The following EYS variants were observed in gnomAD, a reference collection of about 807,000 sequenced individuals.
EYS encodes protein eyes shut homolog.
A neutral mutation model predicts 282.1 loss-of-function variants in EYS; 250 were observed. The ratio of observed to expected loss-of-function variants is 0.89; its 90% CI spans 0.80 to 0.98. The LOEUF (loss-of-function observed/expected upper bound fraction) is 0.98, where lower values mean the gene tolerates loss of function less well. Ranked by LOEUF, EYS falls within the 50% of genes least tolerant of loss-of-function variation. The pLI, the probability that EYS is intolerant of heterozygous loss-of-function variation, is 0.00. For synonymous variants in EYS, 1,355 were observed against 1,282.9 expected (o/e 1.06, Z -1.20); for missense variants, 4,016 against 3,709.0 (o/e 1.08, Z -2.15).
In EYS at chr6:63,908,011, CGT is replaced by C. The variant is rs1491539009; in HGVS notation, c.7056-43655_7056-43654del. ...GTACACACACACACACACACACAAA[CGT>C]ATATATATATATATATATACGTTTG... On this transcript the variant is annotated intron_variant, in intron 35 of 42. Transcript: ENST00000503581. 9.2e-4 allele frequency among the ~76,000 whole-genome samples: 20 copies of C among 21,796 alleles called. 1 individual carries two copies. Among genetic ancestry groups the C allele is most frequent in the Middle Eastern group, 0.019 (1 of 54 alleles). The allele number at this position is 21,796 out of a possible 152,430, so 14.3% of individuals were successfully genotyped here. A position where few individuals can be genotyped will look rare whatever the true frequency, so the allele number is the denominator to read the frequency against.
At chr6:63,779,351 G>C (rs994708971) in intron 39 of EYS, 3 of 151,872 alleles carry the variant, frequency 2.0e-5, no homozygotes, top group Admixed American at 2.0e-4. Flanking sequence ...CTACTCGGGA[G>C]GCTGAGGCAG....
chr6:64,036,372 A>G (rs1032601802), intron 33 of EYS, among the ~76,000 whole-genome samples: 1 of 152,346 alleles, frequency 6.6e-6, no homozygotes, highest in Middle Eastern at 3.4e-3. Context: ...TGGGTATAGA[A>G]TATTGAAAAC....
rs529077241 is a variant in EYS at position 65,696,314 on chromosome 6, G to T, written c.-448+10821C>A. On this transcript the variant is annotated intron_variant, in intron 1 of 42. Coordinates refer to ENST00000503581, the MANE Select transcript of EYS (RefSeq NM_001142800.2). ...CATCTTTATTTACTTTACCATATTT[G>T]GTTAAAAATGTAAACTGATTCTAAA... is the stretch of plus-strand genomic sequence containing the variant. Among the ~76,000 whole-genome samples the T allele has an allele frequency of 1.3e-4, 20 of 151,776 alleles. 1 individual carries two copies. In the South Asian group the frequency reaches 1.5e-3, roughly 11 times the overall value.
At chr6:64,856,783 T>C (rs1185720401) in intron 19 of EYS, among the ~76,000 whole-genome samples, 2 of 152,182 alleles carry the variant, frequency 1.3e-5, no homozygotes, top group African/African-American at 4.8e-5. Context: ...AACTTATGTT[T>C]TTTTTTCTTC....
At position 64,102,072 on chromosome 6, in the gene EYS, CCTT is replaced by C. The variant is rs566609158; in HGVS notation, c.6425-20073_6425-20071del. On this transcript the variant is annotated intron_variant, in intron 31 of 42. Coordinates refer to ENST00000503581, the MANE Select transcript of EYS (RefSeq NM_001142800.2). ...TCGCTGGATCACCCACCACTCTCCT[CCTT>C]CTGTGCCGCCGGTTCCTAACACTCC... Among the ~76,000 whole-genome samples, 9 of 152,214 alleles carry C rather than the reference CCTT, an allele frequency of 5.9e-5. No homozygotes were observed. The South Asian group carries it at 1.5e-3, about 25-fold the overall frequency.
chr6:63,855,901 C>T (rs1004489467), intron 36 of EYS, among the ~76,000 whole-genome samples: 3 of 151,952 alleles, frequency 2.0e-5, no homozygotes, highest in Non-Finnish European at 4.4e-5. Context: ...TATTAGAAAA[C>T]ACACAATATA....
At position 65,542,789 on chromosome 6, in the gene EYS, T is replaced by C. The variant is rs533001621; in HGVS notation, c.-332-46796A>G. Reference sequence around the variant, plus strand: ...AAAATGACATTGGTAAATACTATTATGAGCAAATCTACCAATGACTTGAAT... The same window carrying C: ...AAAATGACATTGGTAAATACTATTACGAGCAAATCTACCAATGACTTGAAT... On this transcript the variant is annotated intron_variant, in intron 2 of 42. Transcript: ENST00000503581. Among the ~76,000 whole-genome samples the C allele has an allele frequency of 4.8e-4, 73 of 152,274 alleles. 1 individual carries two copies. The highest frequency in any genetic ancestry group is 3.2e-3 in the Admixed American group (49 of 15,292).
At chr6:64,410,028 C>T (rs1367041898) in intron 28 of EYS, among the ~76,000 whole-genome samples, 3 of 151,912 alleles carry the variant, frequency 2.0e-5, no homozygotes, top group Admixed American at 1.3e-4. Flanking sequence ...GGAACACAGA[C>T]GAGTTACTCT....
At chr6:64,833,578 A>G (rs1005366385) in intron 19 of EYS, among the ~76,000 whole-genome samples, 1 of 151,892 alleles carries the variant, frequency 6.6e-6, no homozygotes, top group Non-Finnish European at 1.5e-5. Flanking sequence ...TAATTTTATT[A>G]TTACCTCTGA....
chr6:64,025,387 C>T lies in EYS; in HGVS notation c.6726-26204G>A, dbSNP rs905529597. ...ATGAGCGGAACTCTCAAATGCATGT[C>T]GCCCAAGCAAGACTCACCCATCTAT... On this transcript the variant is annotated intron_variant, in intron 33 of 42. Transcript: ENST00000503581. Among the ~76,000 whole-genome samples the T allele has an allele frequency of 5.9e-5, 9 of 152,270 alleles. No homozygotes were observed. In the South Asian group the frequency reaches 8.3e-4, roughly 14 times the overall value.
chr6:64,000,480 G>C (rs1308852845), intron 33 of EYS, among the ~76,000 whole-genome samples: 1 of 151,510 alleles, frequency 6.6e-6, no homozygotes, highest in Non-Finnish European at 1.5e-5. Flanking sequence ...GATTACAGGC[G>C]TGAGCCACCG....
At chr6:64,385,305 A>G (rs537942960) in intron 29 of EYS, among the ~76,000 whole-genome samples, 1 of 152,304 alleles carries the variant, frequency 6.6e-6, no homozygotes, top group South Asian at 2.1e-4. Context: ...TATGTCTCAG[A>G]TACATATTCT....
intron 13 of EYS, among the ~76,000 whole-genome samples, chr6:65,036,629 CA>C (rs1291655450): frequency 1.4e-5 from 2 of 146,316 alleles, no homozygotes; most frequent in Admixed American, 6.8e-5. Context: ...AAAAAAAAAA[CA>C]AAAAAACACC....
chr6:65,503,094 A>G (rs1366936446), intron 2 of EYS, among the ~76,000 whole-genome samples: 1 of 151,700 alleles, frequency 6.6e-6, no homozygotes, highest in Non-Finnish European at 1.5e-5. Context: ...TTTACCAGCA[A>G]TTAATCAGGA....
intron 2 of EYS, among the ~76,000 whole-genome samples, chr6:65,497,570 A>T (rs575749952): frequency 2.0e-5 from 3 of 152,096 alleles, no homozygotes; most frequent in East Asian, 1.9e-4. Flanking sequence ...TTAGGAAGAG[A>T]TTATATCAAG....
chr6:63,973,782 T>C (rs1389324615), intron 35 of EYS, among the ~76,000 whole-genome samples: 1 of 152,152 alleles, frequency 6.6e-6, no homozygotes, highest in Non-Finnish European at 1.5e-5. Flanking sequence ...TACCCAGATT[T>C]ATTGTCCAGT....
chr6:65,068,101 A>G (rs1773798592), intron 12 of EYS, among the ~76,000 whole-genome samples: 1 of 152,118 alleles, frequency 6.6e-6, no homozygotes, highest in South Asian at 2.1e-4. Flanking sequence ...TCCTTCTCTT[A>G]GAAACTCTTC....
At chr6:64,952,727 C>A (rs145643705) in intron 14 of EYS, among the ~76,000 whole-genome samples, 4 of 152,110 alleles carry the variant, frequency 2.6e-5, no homozygotes, top group African/African-American at 9.6e-5. Flanking sequence ...TTTTATGATA[C>A]ATTTAAAGCA....
At chr6:65,305,348 C>T (rs1390094275) in intron 11 of EYS, among the ~76,000 whole-genome samples, 1 of 152,230 alleles carries the variant, frequency 6.6e-6, no homozygotes, top group East Asian at 1.9e-4. Context: ...CTTAATATTA[C>T]CTGAGTTTGA....
Sources: gnomAD v4.1 joint callset for allele counts (sites outside exome capture counted in the v4.1 genomes callset) on GRCh38, gnomAD v4.1.1 for gene constraint, MANE v1.5 for transcripts, NCBI Gene and HGNC (gene_info 2026-07-23, HGNC 2026-07-21) for gene names.